Variants in PLCL2 observed in about 807,000 individuals in gnomAD.
The protein encoded by PLCL2 is inactive phospholipase C-like protein 2.
PLCL2 carries 4 observed loss-of-function variants against 79.6 expected under a neutral mutation model. The ratio of observed to expected loss-of-function variants is 0.05; its 90% CI spans 0.02 to 0.11. The LOEUF (loss-of-function observed/expected upper bound fraction) is 0.11, where lower values mean the gene tolerates loss of function less well. PLCL2 is among the 10% of genes least tolerant of loss of function. PLCL2 has a pLI of 1.00. For synonymous variants in PLCL2, 484 were observed against 457.7 expected (o/e 1.06, Z -0.73); for missense variants, 895 against 1,291.0 (o/e 0.69, Z 4.70).
intron 1 of PLCL2, among the ~76,000 whole-genome samples, chr3:16,894,929 C>T (rs1439905390): frequency 4.0e-5 from 6 of 151,704 alleles, no homozygotes; most frequent in East Asian, 1.9e-4. Context: ...TAAAGGATAT[C>T]GCTTAGATTT....
chr3:16,955,837 A>T (rs1424333283), intron 1 of PLCL2, among the ~76,000 whole-genome samples: 1 of 151,946 alleles, frequency 6.6e-6, no homozygotes, highest in Non-Finnish European at 1.5e-5. Flanking sequence ...TTTGTCTGTT[A>T]TTGGTGTATA....
intron 1 of PLCL2, among the ~76,000 whole-genome samples, chr3:16,993,867 A>G (rs1486053389): frequency 6.6e-6 from 1 of 152,196 alleles, no homozygotes; most frequent in Non-Finnish European, 1.5e-5. Context: ...TATAGTCTAT[A>G]TAAAATGGTA....
chr3:17,062,231 C>T (rs1470094400), intron 4 of PLCL2, among the ~76,000 whole-genome samples: 1 of 152,106 alleles, frequency 6.6e-6, no homozygotes, highest in Admixed American at 6.5e-5. Context: ...CATAATTTAC[C>T]CCTAAGCATT....
At chr3:16,956,750 G>A (rs1237484449) in intron 1 of PLCL2, among the ~76,000 whole-genome samples, 7 of 152,016 alleles carry the variant, frequency 4.6e-5, no homozygotes, top group Non-Finnish European at 1.0e-4. Flanking sequence ...TTCCTGGTTT[G>A]GTCTTGGGAG....
intron 1 of PLCL2, among the ~76,000 whole-genome samples, chr3:16,998,884 A>G (rs1018985953): frequency 6.6e-6 from 1 of 152,172 alleles, no homozygotes. Flanking sequence ...CTGTTACAGA[A>G]ATTGGAAATT....
At chr3:17,029,347 A>C (rs1247229412) in intron 3 of PLCL2, among the ~76,000 whole-genome samples, 1 of 151,740 alleles carries the variant, frequency 6.6e-6, no homozygotes, top group African/African-American at 2.4e-5. Flanking sequence ...GCCCTTAAAA[A>C]AAAGAAAGAA....
chr3:17,042,386 G>T (rs1301755272), intron 3 of PLCL2, among the ~76,000 whole-genome samples: 1 of 152,116 alleles, frequency 6.6e-6, no homozygotes, highest in African/African-American at 2.4e-5. Context: ...GTGATGAATG[G>T]TATCAAATAA....
intron 4 of PLCL2, among the ~76,000 whole-genome samples, chr3:17,063,475 G>T (rs2064976544): frequency 6.6e-6 from 1 of 150,422 alleles, no homozygotes; most frequent in South Asian, 2.1e-4. Context: ...AAGTCCTCTT[G>T]CATGCAAATC....
Position 17,009,633 on chromosome 3 carries a change from T to C in PLCL2, c.328-41T>C. 4.8e-6 allele frequency: 5 copies of C among 1,039,940 alleles called. No homozygotes were observed. The highest frequency in any genetic ancestry group is 7.0e-6 in the Non-Finnish European group (5 of 716,264). 64.4% of individuals were successfully genotyped at this position (1,039,940 alleles called of 1,614,324 possible). A position where few individuals can be genotyped will look rare whatever the true frequency, so the allele number is the denominator to read the frequency against. On this transcript the variant is annotated intron_variant, in intron 1 of 5. Transcript: ENST00000615277. This position sits in a 1 kb window ranked among gnomAD's most constrained non-coding sequence, Gnocchi z 4.0. ...TCATAATCTTGAACATAGAAACCTATATTTATGTTATTCTAATATACGGTC... is the reference window on the plus strand; with the variant it reads ...TCATAATCTTGAACATAGAAACCTACATTTATGTTATTCTAATATACGGTC...
intron 1 of PLCL2, among the ~76,000 whole-genome samples, chr3:16,918,265 C>G (rs1697043307): frequency 6.6e-6 from 1 of 152,102 alleles, no homozygotes; most frequent in African/African-American, 2.4e-5. Flanking sequence ...GATGTTAAAA[C>G]AATAGATAGT....
intron 1 of PLCL2, among the ~76,000 whole-genome samples, chr3:17,001,440 C>T (rs1233719569): frequency 2.0e-5 from 3 of 152,038 alleles, no homozygotes; most frequent in Admixed American, 2.0e-4. Flanking sequence ...TCTTGCCCAG[C>T]TGAATTGTTT....
At chr3:16,929,973 G>C (rs1697354608) in intron 1 of PLCL2, among the ~76,000 whole-genome samples, 1 of 152,144 alleles carries the variant, frequency 6.6e-6, no homozygotes, top group African/African-American at 2.4e-5. Flanking sequence ...GGAAGACAGA[G>C]GCCTCTCTTT....
intron 3 of PLCL2, among the ~76,000 whole-genome samples, chr3:17,034,956 G>T (rs982455438): frequency 2.0e-5 from 3 of 152,096 alleles, no homozygotes; most frequent in African/African-American, 2.4e-5. Context: ...TAGCATCCTT[G>T]TTCTTTTCCT....
intron 1 of PLCL2, among the ~76,000 whole-genome samples, chr3:16,957,587 T>C (rs1251813160): frequency 2.6e-5 from 4 of 152,194 alleles, no homozygotes; most frequent in African/African-American, 9.7e-5. Context: ...GTATCCTTGT[T>C]AACTTTCTGT....
At chr3:16,992,410 C>T (rs946546252) in intron 1 of PLCL2, among the ~76,000 whole-genome samples, 1 of 152,210 alleles carries the variant, frequency 6.6e-6, no homozygotes, top group African/African-American at 2.4e-5. Context: ...ACTAACTGCC[C>T]TCCACAGTGC....
intron 3 of PLCL2, among the ~76,000 whole-genome samples, chr3:17,037,992 G>A (rs2064675179): frequency 6.6e-6 from 1 of 152,054 alleles, no homozygotes; most frequent in Non-Finnish European, 1.5e-5. Flanking sequence ...ACTAACATGG[G>A]AGTTACTTTC....
intron 1 of PLCL2, among the ~76,000 whole-genome samples, chr3:16,918,897 T>C (rs1383901733): frequency 1.3e-5 from 2 of 152,136 alleles, no homozygotes; most frequent in Non-Finnish European, 2.9e-5. Context: ...AGTTAATAAA[T>C]CCTAATCACT....
chr3:17,090,064 G>T lies in PLCL2; in HGVS notation c.*152G>T, dbSNP rs2065258153. 1 of 1,371,918 alleles carries T rather than the reference G, an allele frequency of 7.3e-7. No homozygotes were observed. The allele number at this position is 1,371,918 out of a possible 1,614,324, so 85.0% of individuals were successfully genotyped here. On this transcript the variant is annotated 3_prime_UTR_variant, in exon 6 of 6. Coordinates refer to ENST00000615277, the MANE Select transcript of PLCL2 (RefSeq NM_001144382.2). ...ATTACAGTCTATTAAAACTGTGAAT[G>T]TATGTAGCAATCCTGCGTGTGAAGG...
At chr3:16,978,813 TAGG>T (rs1479980711) in intron 1 of PLCL2, among the ~76,000 whole-genome samples, 2 of 152,232 alleles carry the variant, frequency 1.3e-5, no homozygotes, top group Non-Finnish European at 2.9e-5. Flanking sequence ...CTTTTCACAT[TAGG>T]AGGTTTCGTT....
Sources: allele counts gnomAD v4.1 joint callset (sites outside exome capture counted in the v4.1 genomes callset), GRCh38; gene constraint gnomAD v4.1.1; non-coding constraint Gnocchi (gnomAD v3.1); transcripts MANE v1.5; gene names NCBI Gene and HGNC (gene_info 2026-07-23, HGNC 2026-07-21).